The following MOB1B variants were observed in gnomAD, a reference collection of about 807,000 sequenced individuals.
MOB1B encodes the protein MOB kinase activator 1B.
In MOB1B, 19 loss-of-function variants were observed where a neutral mutation model predicts 24.4. The ratio of observed to expected loss-of-function variants is 0.78; its 90% CI spans 0.54 to 1.14. The LOEUF is 1.14. Among genes scored for constraint, MOB1B ranks in the 50% most tolerant of loss-of-function variants. The pLI is 0.00. For missense variants in MOB1B, 243 were observed against 259.6 expected, an observed-to-expected ratio of 0.94 and a Z score of 0.44; for synonymous variants, 76 against 82.1, an observed-to-expected ratio of 0.93 and a Z score of 0.40.
chr4:70,910,462 T>C (rs1264641088), intron 1 of MOB1B, among the ~76,000 whole-genome samples: 1 of 151,768 alleles, frequency 6.6e-6, no homozygotes, highest in Admixed American at 6.6e-5. Flanking sequence ...TGTGTGTATG[T>C]ATATCTATAT....
intron 4 of MOB1B, among the ~76,000 whole-genome samples, chr4:70,977,600 A>G (rs1739056400): frequency 1.3e-5 from 2 of 152,254 alleles, no homozygotes; most frequent in Non-Finnish European, 2.9e-5. Flanking sequence ...TAACATATCC[A>G]TCATCTTACA....
At chr4:70,929,705 G>A (rs1736807124) in intron 1 of MOB1B, among the ~76,000 whole-genome samples, 1 of 151,222 alleles carries the variant, frequency 6.6e-6, no homozygotes, top group Non-Finnish European at 1.5e-5. Flanking sequence ...GAGTGCAGTG[G>A]CGCGATCTTG....
chr4:70,908,946 G>A (rs1332312704), intron 1 of MOB1B, among the ~76,000 whole-genome samples: 1 of 151,766 alleles, frequency 6.6e-6, no homozygotes, highest in Non-Finnish European at 1.5e-5. Context: ...AGCTACTCGG[G>A]AGGCTGAGGC....
At chr4:70,911,454 T>G (rs2148867611) in intron 1 of MOB1B, among the ~76,000 whole-genome samples, 1 of 152,112 alleles carries the variant, frequency 6.6e-6, no homozygotes, top group Admixed American at 6.6e-5. Flanking sequence ...TAATATGTTG[T>G]ATTTTTGAGG....
rs375627827 is a variant in MOB1B at position 70,986,278 on chromosome 4, A to C, written c.*4221A>C. ...ACAGCCTTTACTGCCATTTTTTTTT[A>C]AATGTTTTCACTCAGATGAACAATT... On this transcript the variant is annotated 3_prime_UTR_variant, in exon 6 of 6. Coordinates refer to ENST00000309395, the MANE Select transcript of MOB1B (RefSeq NM_173468.4). 38 of 152,124 alleles carry C rather than the reference A, an allele frequency of 2.5e-4. 4 individuals are homozygous for C. The highest frequency in any genetic ancestry group is 2.0e-3 in the Admixed American group (31 of 15,276). 9.4% of individuals were successfully genotyped at this position (152,124 alleles called of 1,614,324 possible).
At chr4:70,917,347 A>G (rs1037882631) in intron 1 of MOB1B, among the ~76,000 whole-genome samples, 1 of 152,238 alleles carries the variant, frequency 6.6e-6, no homozygotes, top group South Asian at 2.1e-4. Flanking sequence ...TTTCCATTAT[A>G]AGCAAGAAAA....
At chr4:70,957,284 A>G (rs556722050) in intron 1 of MOB1B, among the ~76,000 whole-genome samples, 22 of 150,936 alleles carry the variant, frequency 1.5e-4, no homozygotes, top group African/African-American at 4.8e-4. Flanking sequence ...AAAAACAGAA[A>G]AAAAAAAGTT....
In MOB1B at chr4:70,986,871, C is replaced by A. The variant is rs533569145; in HGVS notation, c.*4814C>A. The A allele has an allele frequency of 6.6e-6, 1 of 152,202 alleles. No homozygotes were observed. Among genetic ancestry groups the A allele is most frequent in the South Asian group, 2.1e-4 (1 of 4,826 alleles). The allele number at this position is 152,202 out of a possible 1,614,324, so 9.4% of individuals were successfully genotyped here. On this transcript the variant is annotated 3_prime_UTR_variant, in exon 6 of 6. Transcript: ENST00000309395. ...TAATAGGCTGATCACAGAGAATAATCCATTTTGAAGGTATAAAACTGCACT... is the reference window on the plus strand; with the variant it reads ...TAATAGGCTGATCACAGAGAATAATACATTTTGAAGGTATAAAACTGCACT...
intron 1 of MOB1B, among the ~76,000 whole-genome samples, chr4:70,945,349 T>C (rs1378681010): frequency 1.3e-5 from 2 of 152,206 alleles, no homozygotes; most frequent in Non-Finnish European, 2.9e-5. Flanking sequence ...TGATTTTTGT[T>C]AGGGCCCTTT....
chr4:70,940,028 T>A (rs1157025276), intron 1 of MOB1B, among the ~76,000 whole-genome samples: 1 of 152,228 alleles, frequency 6.6e-6, no homozygotes, highest in African/African-American at 2.4e-5. Context: ...GCCTGCCCAG[T>A]GCCAGCATCT....
At chr4:70,931,958 G>T (rs1214438873) in intron 1 of MOB1B, among the ~76,000 whole-genome samples, 1 of 152,082 alleles carries the variant, frequency 6.6e-6, no homozygotes. Flanking sequence ...TCGAAGTCCT[G>T]GGCTCAAGCA....
chr4:70,926,961 C>T (rs1736682422), intron 1 of MOB1B, among the ~76,000 whole-genome samples: 1 of 149,802 alleles, frequency 6.7e-6, no homozygotes, highest in Non-Finnish European at 1.5e-5. Context: ...TGTGACACTG[C>T]ACTCCGGCCT....
At chr4:70,934,762 A>G (rs577847531) in intron 1 of MOB1B, among the ~76,000 whole-genome samples, 13 of 152,110 alleles carry the variant, frequency 8.5e-5, no homozygotes, top group African/African-American at 2.6e-4. Flanking sequence ...AGCCTGGAAT[A>G]TAATTTTATT....
At chr4:70,929,802 C>T (rs891548697) in intron 1 of MOB1B, among the ~76,000 whole-genome samples, 11 of 152,114 alleles carry the variant, frequency 7.2e-5, no homozygotes, top group Non-Finnish European at 1.3e-4. Context: ...CCCGCCACTG[C>T]GCCCAGCTAA....
chr4:70,958,604 ATAAC>A (rs1738167379), intron 1 of MOB1B: 12 of 494,362 alleles, frequency 2.4e-5, no homozygotes, highest in African/African-American at 3.9e-5. Flanking sequence ...AAGGAATACA[ATAAC>A]TAAAACATCA....
intron 1 of MOB1B, among the ~76,000 whole-genome samples, chr4:70,908,976 G>A (rs1440052058): frequency 6.6e-6 from 1 of 151,524 alleles, no homozygotes; most frequent in Non-Finnish European, 1.5e-5. Flanking sequence ...GTTTGAACCT[G>A]GGAGGCGGAG....
Position 70,986,478 on chromosome 4 carries a change from A to G in MOB1B, c.*4421A>G, listed in dbSNP as rs1435083388. ...AAGATGTGGGACCAAAAATATATTTATAATTTGGAAATGTGACTGCATACC... is the reference window on the plus strand; with the variant it reads ...AAGATGTGGGACCAAAAATATATTTGTAATTTGGAAATGTGACTGCATACC... On this transcript the variant is annotated 3_prime_UTR_variant, in exon 6 of 6. Coordinates refer to ENST00000309395, the MANE Select transcript of MOB1B (RefSeq NM_173468.4). 6.6e-6 allele frequency: 1 copy of G among 152,112 alleles called. No individual in the cohort carries two copies. The highest frequency in any genetic ancestry group is 6.5e-5 in the Admixed American group (1 of 15,276). The allele number at this position is 152,112 out of a possible 1,614,324, so 9.4% of individuals were successfully genotyped here.
chr4:70,902,076 G>A (rs1302084693), upstream of MOB1B, among the ~76,000 whole-genome samples: 1 of 152,190 alleles, frequency 6.6e-6, no homozygotes, highest in Non-Finnish European at 1.5e-5. Context: ...GCCCAGCTGA[G>A]CGGCTCCGAG....
chr4:70,960,083 C>T (rs1738242885), intron 2 of MOB1B, among the ~76,000 whole-genome samples: 1 of 151,906 alleles, frequency 6.6e-6, no homozygotes, highest in Non-Finnish European at 1.5e-5. Flanking sequence ...GGGATTTCAC[C>T]ATGTTGGTCA....
Sources: gnomAD v4.1 joint callset for allele counts (sites outside exome capture counted in the v4.1 genomes callset) on GRCh38, gnomAD v4.1.1 for gene constraint, MANE v1.5 for transcripts, NCBI Gene and HGNC (gene_info 2026-07-23, HGNC 2026-07-21) for gene names.